LIMS1: variants seen among roughly 807,000 people sequenced by gnomAD.
LIMS1 encodes LIM and senescent cell antigen-like-containing domain protein 1.
In LIMS1, 18 loss-of-function variants were observed where a neutral mutation model predicts 44.1. The ratio of observed to expected loss-of-function variants is 0.41; its 90% CI spans 0.28 to 0.61. The LOEUF (loss-of-function observed/expected upper bound fraction) is 0.61. LIMS1 is among the 20% of genes least tolerant of loss of function. The probability of loss-of-function intolerance (pLI) is 0.32; values close to 1 mark genes in which losing one functional copy is unlikely to be tolerated. For synonymous variants in LIMS1, 93 were observed against 149.1 expected (o/e 0.62, Z 2.74); for missense variants, 201 against 422.0 (o/e 0.48, Z 4.59).
intron 1 of LIMS1, among the ~76,000 whole-genome samples, chr2:108,545,148 T>A (rs1277768487): frequency 1.3e-5 from 2 of 152,210 alleles, no homozygotes; most frequent in Non-Finnish European, 2.9e-5. Flanking sequence ...TTTTCTCTTG[T>A]GATTTTGTTG....
At chr2:108,551,352 T>C (rs1181272675) in intron 1 of LIMS1, among the ~76,000 whole-genome samples, 1 of 147,058 alleles carries the variant, frequency 6.8e-6, no homozygotes, top group African/African-American at 2.5e-5. Flanking sequence ...AAATATATAA[T>C]GTATTATGTA....
At chr2:108,643,443 C>T (rs1205852458) in intron 1 of LIMS1, among the ~76,000 whole-genome samples, 1 of 152,166 alleles carries the variant, frequency 6.6e-6, no homozygotes, top group East Asian at 1.9e-4. Context: ...GGGACTGTAC[C>T]ATGCACCCCG....
At chr2:108,599,995 T>A (rs1220303489) in intron 1 of LIMS1, among the ~76,000 whole-genome samples, 1 of 151,158 alleles carries the variant, frequency 6.6e-6, no homozygotes, top group Non-Finnish European at 1.5e-5. Context: ...CTTTTCTCTT[T>A]GTTGACTGTT....
intron 2 of LIMS1, among the ~76,000 whole-genome samples, chr2:108,667,537 T>TA (rs1558837614): frequency 1.8e-4 from 7 of 39,702 alleles, no homozygotes; most frequent in African/African-American, 3.4e-4. Context: ...TCAACCTTTT[T>TA]TAAAAAAAAA....
At chr2:108,618,527 G>T (rs1307462097) in intron 1 of LIMS1, among the ~76,000 whole-genome samples, 1 of 152,004 alleles carries the variant, frequency 6.6e-6, no homozygotes, top group Non-Finnish European at 1.5e-5. Flanking sequence ...TCTATCTTCA[G>T]TGAAAAGATC....
At chr2:108,646,214 A>T (rs1690053226) in intron 1 of LIMS1, among the ~76,000 whole-genome samples, 1 of 152,190 alleles carries the variant, frequency 6.6e-6, no homozygotes, top group Non-Finnish European at 1.5e-5. Flanking sequence ...CTTATTCTAA[A>T]ATTGATCACA....
At chr2:108,680,594 A>G (rs1692922114) in intron 8 of LIMS1, 101 bp from the exon 9 acceptor site, 2 of 1,579,016 alleles carry the variant, frequency 1.3e-6, no homozygotes, top group Non-Finnish European at 1.7e-6. Flanking sequence ...CAAGTGCCAC[A>G]GACACAGTCG....
At chr2:108,590,125 TC>T (rs1258182866) in intron 1 of LIMS1, among the ~76,000 whole-genome samples, 1 of 152,234 alleles carries the variant, frequency 6.6e-6, no homozygotes, top group Non-Finnish European at 1.5e-5. Context: ...ACAGTGGACT[TC>T]CTAGAGATTT....
exon 10 of LIMS1, chr2:108,684,451 A>T (rs1419862437): frequency 2.0e-5 from 3 of 152,312 alleles, no homozygotes; most frequent in Non-Finnish European, 2.9e-5. Flanking sequence ...AAAAACAAGA[A>T]AAACAAATCT....
chr2:108,646,548 C>T (rs1225060149), intron 1 of LIMS1, among the ~76,000 whole-genome samples: 2 of 152,098 alleles, frequency 1.3e-5, no homozygotes, highest in Non-Finnish European at 2.9e-5. Flanking sequence ...AAAATCGACA[C>T]CCTAACATCA....
chr2:108,580,156 T>G (rs1685830660), intron 1 of LIMS1, among the ~76,000 whole-genome samples: 1 of 152,148 alleles, frequency 6.6e-6, no homozygotes, highest in Non-Finnish European at 1.5e-5. Flanking sequence ...AACTTACAGG[T>G]CTCTGAGAAG....
rs113957583 is a variant in LIMS1, at chr2:108,626,115, C to T, written c.33-33490C>T. Among the ~76,000 whole-genome samples, 219 of 152,336 alleles carry T rather than the reference C, an allele frequency of 1.4e-3. 1 individual carries two copies. Among genetic ancestry groups the T allele is most frequent in the East Asian group, 7.3e-3 (38 of 5,182 alleles). ...AAGTTAGTGCTTAGAATTCAGTCAACGTTGGAGTAGCTCAGCCTAGGCTGT... is the reference window on the plus strand; with the variant it reads ...AAGTTAGTGCTTAGAATTCAGTCAATGTTGGAGTAGCTCAGCCTAGGCTGT... On this transcript the variant is annotated intron_variant, in intron 1 of 9. Transcript: ENST00000544547.
rs1558824105 is a variant in LIMS1, at chr2:108,642,357, TGTTTTTTG to T, written c.33-17247_33-17240del. On this transcript the variant is annotated intron_variant, in intron 1 of 9. Transcript: ENST00000544547. ...AGTGTTTTTTGTTTTTTTTTTTTTT[TGTTTTTTG>T]TTTTTTTTTTTTGAGACGGAGTCTC... 9.2e-3 allele frequency among the ~76,000 whole-genome samples: 246 copies of T among 26,670 alleles called. 27 individuals are homozygous for T. The highest frequency in any genetic ancestry group is 0.023 in the African/African-American group (226 of 9,694). 17.5% of individuals were successfully genotyped at this position (26,670 alleles called of 152,430 possible). A position where few individuals can be genotyped will look rare whatever the true frequency, so the allele number is the denominator to read the frequency against.
At chr2:108,667,394 T>C (rs1188232193) in intron 2 of LIMS1, among the ~76,000 whole-genome samples, 2 of 152,076 alleles carry the variant, frequency 1.3e-5, no homozygotes, top group African/African-American at 4.8e-5. Flanking sequence ...ACAATGAGTC[T>C]TTCAGCCAGA....
At chr2:108,631,584 A>G (rs1573499059) in intron 1 of LIMS1, among the ~76,000 whole-genome samples, 1 of 149,658 alleles carries the variant, frequency 6.7e-6, no homozygotes, top group Admixed American at 6.7e-5. Flanking sequence ...CTGTTATAGC[A>G]TGCCATGTTG....
chr2:108,661,895 T>G (rs1326607256), intron 2 of LIMS1, among the ~76,000 whole-genome samples: 1 of 152,132 alleles, frequency 6.6e-6, no homozygotes, highest in Non-Finnish European at 1.5e-5. Flanking sequence ...TTTTTTTCTC[T>G]CCTGTAGTCC....
At chr2:108,618,111 G>A (rs6707379) in intron 1 of LIMS1, among the ~76,000 whole-genome samples, 54,868 of 151,996 alleles carry the variant, frequency 0.36, 11,830 homozygotes, top group East Asian at 0.88. Flanking sequence ...ATAGGGATGA[G>A]GCCATGGGGA....
chr2:108,542,293 T>G (rs1684340650), intron 1 of LIMS1, among the ~76,000 whole-genome samples: 1 of 152,224 alleles, frequency 6.6e-6, no homozygotes. Context: ...GGCCACTGTT[T>G]TGGAAACTCG....
chr2:108,626,114 A>G (rs543728907), intron 1 of LIMS1, among the ~76,000 whole-genome samples: 2 of 152,360 alleles, frequency 1.3e-5, no homozygotes, highest in East Asian at 1.9e-4. Flanking sequence ...AATTCAGTCA[A>G]CGTTGGAGTA....
Sources: allele counts gnomAD v4.1 joint callset (sites outside exome capture counted in the v4.1 genomes callset), GRCh38; gene constraint gnomAD v4.1.1; transcripts MANE v1.5; gene names NCBI Gene and HGNC (gene_info 2026-07-23, HGNC 2026-07-21).